The following NRXN3 variants were observed in gnomAD, a reference collection of about 807,000 sequenced individuals.
The protein encoded by NRXN3 is neurexin III.
NRXN3 carries 32 observed loss-of-function variants against 137.6 expected under a neutral mutation model. The ratio of observed to expected loss-of-function variants is 0.23; its 90% CI spans 0.18 to 0.31. The LOEUF (loss-of-function observed/expected upper bound fraction) is 0.31. Ranked by LOEUF, NRXN3 falls within the 10% of genes least tolerant of loss-of-function variation. The pLI, the probability that NRXN3 is intolerant of heterozygous loss-of-function variation, is 1.00. For missense variants in NRXN3, 1,574 were observed against 2,062.5 expected (o/e 0.76, Z 4.59); for synonymous variants, 798 against 784.5 (o/e 1.02, Z -0.29).
chr14:79,163,964 A>G (rs2061048290), intron 15 of NRXN3, among the ~76,000 whole-genome samples: 1 of 151,966 alleles, frequency 6.6e-6, no homozygotes, highest in South Asian at 2.1e-4. Context: ...ATTCATGCTG[A>G]ACTTGTTCAA....
intron 6 of NRXN3, among the ~76,000 whole-genome samples, chr14:78,657,629 C>T (rs999283879): frequency 5.3e-5 from 8 of 152,148 alleles, no homozygotes; most frequent in Non-Finnish European, 7.3e-5. Flanking sequence ...CATTTAAAAC[C>T]GAATGGAGTT....
chr14:78,666,045 T>G (rs2097883347), intron 6 of NRXN3, among the ~76,000 whole-genome samples: 1 of 152,198 alleles, frequency 6.6e-6, no homozygotes, highest in African/African-American at 2.4e-5. Flanking sequence ...AACTTCCGAA[T>G]TACTCAGTTA....
intron 4 of NRXN3, among the ~76,000 whole-genome samples, chr14:78,634,244 C>T (rs1486939159): frequency 6.6e-6 from 1 of 152,180 alleles, no homozygotes; most frequent in South Asian, 2.1e-4. Flanking sequence ...CTGATGCCAA[C>T]GCACGGAGCA....
rs1287284402 is a variant in NRXN3 at position 79,645,540 on chromosome 14, C to T, written c.3445-18238C>T. Among the ~76,000 whole-genome samples, 5 of 129,748 alleles carry T rather than the reference C, an allele frequency of 3.9e-5. 1 individual carries two copies. Among genetic ancestry groups the T allele is most frequent in the African/African-American group, 1.3e-4 (5 of 39,668 alleles). The allele number at this position is 129,748 out of a possible 152,430, so 85.1% of individuals were successfully genotyped here. The stretch of plus-strand genomic sequence containing the variant: ...CTAAGGCAGGAGAATCACTAGAATT[C>T]AGGAGGCAGGGGTTGCAGTGAGTTG... On this transcript the variant is annotated intron_variant, in intron 16 of 20. Coordinates refer to ENST00000335750, the MANE Select transcript of NRXN3 (RefSeq NM_001330195.2).
intron 10 of NRXN3, among the ~76,000 whole-genome samples, chr14:78,917,368 T>G (rs2099258249): frequency 6.6e-6 from 1 of 152,210 alleles, no homozygotes; most frequent in Non-Finnish European, 1.5e-5. Flanking sequence ...ACTAGGGTTA[T>G]TACCTTGGTG....
intron 16 of NRXN3, among the ~76,000 whole-genome samples, chr14:79,658,442 T>C (rs901307557): frequency 6.6e-6 from 1 of 152,186 alleles, no homozygotes; most frequent in Non-Finnish European, 1.5e-5. Context: ...AAGAAGCCGC[T>C]ACCAGGAGTT....
At chr14:78,957,843 A>C (rs900660775) in intron 11 of NRXN3, among the ~76,000 whole-genome samples, 1 of 152,174 alleles carries the variant, frequency 6.6e-6, no homozygotes, top group Non-Finnish European at 1.5e-5. Context: ...TGGTTTAATT[A>C]ATTACTTATT....
At chr14:78,620,875 C>T (rs2097397084) in intron 4 of NRXN3, among the ~76,000 whole-genome samples, 1 of 151,940 alleles carries the variant, frequency 6.6e-6, no homozygotes, top group South Asian at 2.1e-4. Flanking sequence ...AGGTTAAGAA[C>T]CAGGATCAAG....
At chr14:78,225,004 G>A (rs1192740518) in intron 1 of NRXN3, among the ~76,000 whole-genome samples, 2 of 152,046 alleles carry the variant, frequency 1.3e-5, no homozygotes, top group African/African-American at 4.8e-5. Context: ...CTGACCTCAT[G>A]ATCCACCTGC....
intron 15 of NRXN3, among the ~76,000 whole-genome samples, chr14:79,097,053 T>G (rs1271486724): frequency 6.6e-6 from 1 of 151,388 alleles, no homozygotes; most frequent in Non-Finnish European, 1.5e-5. Flanking sequence ...GTGCCTGGAA[T>G]TTCTTCAATA....
intron 17 of NRXN3, among the ~76,000 whole-genome samples, chr14:79,670,153 G>T (rs1218779549): frequency 6.6e-6 from 1 of 151,990 alleles, no homozygotes; most frequent in Non-Finnish European, 1.5e-5. Context: ...TAGGTTAGAG[G>T]CTAGTATTAG....
chr14:79,331,690 T>C (rs2091700682), intron 15 of NRXN3, among the ~76,000 whole-genome samples: 1 of 152,160 alleles, frequency 6.6e-6, no homozygotes, highest in African/African-American at 2.4e-5. Flanking sequence ...CCCATGTAAG[T>C]GTATTTTGCA....
intron 15 of NRXN3, among the ~76,000 whole-genome samples, chr14:79,146,177 A>T (rs367744595): frequency 1.3e-5 from 2 of 152,192 alleles, no homozygotes; most frequent in African/African-American, 4.8e-5. Flanking sequence ...AGGAAGTAGG[A>T]TTCAGAGAAA....
At chr14:79,636,589 G>A (rs2098404979) in intron 16 of NRXN3, among the ~76,000 whole-genome samples, 2 of 152,126 alleles carry the variant, frequency 1.3e-5, no homozygotes, top group South Asian at 4.1e-4. Context: ...CCTTCTCTCA[G>A]ATTATTTTTT....
intron 15 of NRXN3, among the ~76,000 whole-genome samples, chr14:79,432,698 C>T (rs2095782863): frequency 2.0e-5 from 3 of 152,152 alleles, no homozygotes; most frequent in Non-Finnish European, 4.4e-5. Context: ...AGTGATAATA[C>T]TGAAAATTCT....
intron 14 of NRXN3, among the ~76,000 whole-genome samples, chr14:78,979,539 A>T (rs1224780294): frequency 1.3e-5 from 2 of 152,152 alleles, no homozygotes; most frequent in Non-Finnish European, 2.9e-5. Flanking sequence ...AAAACAATGT[A>T]AATTTTAAAA....
chr14:79,666,725 A>T (rs371002878), intron 17 of NRXN3, among the ~76,000 whole-genome samples: 7 of 152,200 alleles, frequency 4.6e-5, no homozygotes, highest in African/African-American at 1.7e-4. Flanking sequence ...AAGAAGTGTC[A>T]TATCTCAAAG....
intron 10 of NRXN3, among the ~76,000 whole-genome samples, chr14:78,925,519 T>C (rs1298282325): frequency 6.6e-6 from 1 of 152,198 alleles, no homozygotes; most frequent in Non-Finnish European, 1.5e-5. Context: ...ATTGTGCAGC[T>C]CTTTTACTTC....
At chr14:78,420,464 A>G (rs1000312937) in intron 4 of NRXN3, among the ~76,000 whole-genome samples, 2 of 152,198 alleles carry the variant, frequency 1.3e-5, no homozygotes, top group Admixed American at 1.3e-4. Context: ...CATGTTCCTC[A>G]TCTGGGTTAC....
Sources: allele counts gnomAD v4.1 joint callset (sites outside exome capture counted in the v4.1 genomes callset), GRCh38; gene constraint gnomAD v4.1.1; transcripts MANE v1.5; gene names NCBI Gene and HGNC (gene_info 2026-07-23, HGNC 2026-07-21).